ST6GALNAC5: variants seen among roughly 807,000 people sequenced by gnomAD.
ST6GALNAC5 encodes the protein ST6 N-acetylgalactosaminide alpha-2,6-sialyltransferase 5.
In ST6GALNAC5, 27 loss-of-function variants were observed where a neutral mutation model predicts 33.6. That is an observed-to-expected ratio of 0.80 (90% CI 0.59 to 1.11). The LOEUF is 1.11. ST6GALNAC5 is among the 50% of genes least tolerant of loss of function. The pLI is 0.00. For missense variants in ST6GALNAC5, 428 were observed against 454.0 expected (o/e 0.94, Z 0.52); for synonymous variants, 194 against 171.2 (o/e 1.13, Z -1.04).
intron 2 of ST6GALNAC5, among the ~76,000 whole-genome samples, chr1:77,010,630 A>T (rs1650596726): frequency 6.7e-6 from 1 of 148,408 alleles, no homozygotes; most frequent in Non-Finnish European, 1.5e-5. Flanking sequence ...AGCCTGCGAC[A>T]CTGTCCATCT....
At chr1:76,918,873 G>C (rs115011797) in intron 2 of ST6GALNAC5, among the ~76,000 whole-genome samples, 2,125 of 152,210 alleles carry the variant, frequency 0.014, 20 homozygotes, top group Middle Eastern at 0.037. Context: ...TGTAAGGACT[G>C]TATTCTATCC....
chr1:76,921,412 A>C (rs1171389891), intron 2 of ST6GALNAC5, among the ~76,000 whole-genome samples: 1 of 152,170 alleles, frequency 6.6e-6, no homozygotes, highest in African/African-American at 2.4e-5. Context: ...ATGAAACAAA[A>C]AAATGATTCT....
At chr1:76,974,663 C>A (rs1040370760) in intron 2 of ST6GALNAC5, among the ~76,000 whole-genome samples, 1 of 150,992 alleles carries the variant, frequency 6.6e-6, no homozygotes, top group African/African-American at 2.4e-5. Context: ...TAGTTTATAA[C>A]CTGATACATT....
intron 2 of ST6GALNAC5, among the ~76,000 whole-genome samples, chr1:76,930,966 G>T (rs1386585512): frequency 6.6e-6 from 1 of 152,156 alleles, no homozygotes; most frequent in African/African-American, 2.4e-5. Context: ...AAGTAGGCAG[G>T]ACCTGTAACT....
At chr1:76,870,367 CT>C (rs1454334245) in intron 2 of ST6GALNAC5, among the ~76,000 whole-genome samples, 2 of 152,280 alleles carry the variant, frequency 1.3e-5, no homozygotes, top group South Asian at 2.1e-4. Flanking sequence ...CTGTCTAACA[CT>C]TGTGAAGCTT....
intron 2 of ST6GALNAC5, among the ~76,000 whole-genome samples, chr1:76,932,815 G>GA (rs1338398752): frequency 6.6e-6 from 1 of 152,032 alleles, no homozygotes; most frequent in African/African-American, 2.4e-5. Context: ...GTTAGAGGAA[G>GA]AAAAAATTAG....
rs1031202972 is a variant in ST6GALNAC5, at chr1:76,954,072, T to C, written c.261+85330T>C. ...TTGGTTTAAACTATATTGTATGTTA[T>C]TGATTAGGAGGGAAAAAGTAGTCAT... On this transcript the variant is annotated intron_variant, in intron 2 of 4. Transcript: ENST00000477717. Among the ~76,000 whole-genome samples the C allele has an allele frequency of 2.6e-5, 4 of 152,130 alleles. No individual in the cohort carries two copies. The East Asian group carries it at 5.8e-4, about 22-fold the overall frequency.
chr1:76,976,370 A>G (rs568295522), intron 2 of ST6GALNAC5, among the ~76,000 whole-genome samples: 15 of 152,268 alleles, frequency 9.9e-5, no homozygotes, highest in African/African-American at 3.6e-4. Flanking sequence ...TCAGGAGTGA[A>G]GATGTCTATA....
At chr1:76,903,109 G>A (rs1646833937) in intron 2 of ST6GALNAC5, among the ~76,000 whole-genome samples, 1 of 152,010 alleles carries the variant, frequency 6.6e-6, no homozygotes, top group South Asian at 2.1e-4. Context: ...AACAACCCAT[G>A]GAATAAGAGA....
intron 2 of ST6GALNAC5, among the ~76,000 whole-genome samples, chr1:76,965,865 A>C (rs1570715976): frequency 6.6e-6 from 1 of 152,286 alleles, no homozygotes; most frequent in African/African-American, 2.4e-5. Context: ...TAAATAGAGA[A>C]TCCTTTCCCA....
intron 2 of ST6GALNAC5, among the ~76,000 whole-genome samples, chr1:76,927,484 G>A (rs1218387598): frequency 6.6e-6 from 1 of 151,792 alleles, no homozygotes; most frequent in Admixed American, 6.6e-5. Context: ...ATTGGGAAAG[G>A]GACAAAGAGT....
At chr1:76,930,247 G>C (rs911330426) in intron 2 of ST6GALNAC5, among the ~76,000 whole-genome samples, 14 of 152,016 alleles carry the variant, frequency 9.2e-5, no homozygotes, top group Non-Finnish European at 1.6e-4. Flanking sequence ...TCAAAATATT[G>C]TTATGAGGAT....
chr1:76,958,786 T>C (rs1252286984), intron 2 of ST6GALNAC5, among the ~76,000 whole-genome samples: 1 of 152,034 alleles, frequency 6.6e-6, no homozygotes, highest in East Asian at 1.9e-4. Flanking sequence ...GAATGCTTAC[T>C]TTCTTCTGCT....
At chr1:76,946,166 G>GA (rs966949872) in intron 2 of ST6GALNAC5, among the ~76,000 whole-genome samples, 6 of 151,572 alleles carry the variant, frequency 4.0e-5, no homozygotes, top group South Asian at 2.1e-4. Flanking sequence ...CCTACCATAT[G>GA]AAAAAAAAGA....
intron 2 of ST6GALNAC5, among the ~76,000 whole-genome samples, chr1:77,008,927 C>T (rs771660066): frequency 3.3e-5 from 5 of 152,226 alleles, no homozygotes; most frequent in African/African-American, 1.2e-4. Flanking sequence ...ATCTGAACTA[C>T]AGGGGAGTTA....
intron 2 of ST6GALNAC5, among the ~76,000 whole-genome samples, chr1:76,993,800 A>C (rs1649824140): frequency 6.6e-6 from 1 of 151,994 alleles, no homozygotes; most frequent in African/African-American, 2.4e-5. Context: ...TCTTTCTTTC[A>C]TTAAGCTTGC....
chr1:76,985,593 A>G (rs970143132), intron 2 of ST6GALNAC5, among the ~76,000 whole-genome samples: 2 of 152,168 alleles, frequency 1.3e-5, no homozygotes, highest in African/African-American at 4.8e-5. Flanking sequence ...GCCCAGGGTA[A>G]TTTATAGATT....
intron 2 of ST6GALNAC5, among the ~76,000 whole-genome samples, chr1:76,967,205 C>T (rs1471884482): frequency 1.3e-5 from 2 of 152,082 alleles, no homozygotes; most frequent in Admixed American, 6.5e-5. Flanking sequence ...TGGTACAATT[C>T]GGCTGTGAAT....
At chr1:77,060,977 A>C (rs922039804) in intron 4 of ST6GALNAC5, among the ~76,000 whole-genome samples, 3 of 152,200 alleles carry the variant, frequency 2.0e-5, no homozygotes, top group Admixed American at 6.5e-5. Flanking sequence ...ATATGGGAAG[A>C]TATGTCTCAC....
Sources: gnomAD v4.1 joint callset for allele counts (sites outside exome capture counted in the v4.1 genomes callset) on GRCh38, gnomAD v4.1.1 for gene constraint, MANE v1.5 for transcripts, NCBI Gene and HGNC (gene_info 2026-07-23, HGNC 2026-07-21) for gene names.